DDHD1: variants seen among roughly 807,000 people sequenced by gnomAD.
The protein encoded by DDHD1 is DDHD domain containing 1.
A neutral mutation model predicts 96.4 loss-of-function variants in DDHD1; 49 were observed. The ratio of observed to expected loss-of-function variants is 0.51; its 90% CI spans 0.40 to 0.64. The LOEUF (loss-of-function observed/expected upper bound fraction) is 0.64. DDHD1 is among the 30% of genes least tolerant of loss of function. DDHD1 has a pLI of 0.00. For missense variants in DDHD1, 1,106 were observed against 1,161.2 expected, an observed-to-expected ratio of 0.95 and a Z score of 0.69; for synonymous variants, 442 against 446.5, an observed-to-expected ratio of 0.99 and a Z score of 0.13.
At chr14:53,048,894 A>T (rs1882282351) in intron 12 of DDHD1, 1 of 152,212 alleles carries the variant, frequency 6.6e-6, no homozygotes. Flanking sequence ...AAACAGTTGG[A>T]AAATGTGTTA....
At chr14:53,057,385 A>C (rs1362637598) in intron 9 of DDHD1, among the ~76,000 whole-genome samples, 1 of 152,154 alleles carries the variant, frequency 6.6e-6, no homozygotes, top group East Asian at 1.9e-4. Context: ...ACAGGATGCA[A>C]GGTTCTTGGA....
intron 1 of DDHD1, among the ~76,000 whole-genome samples, chr14:53,146,226 G>A (rs745557452): frequency 1.3e-4 from 20 of 151,308 alleles, no homozygotes; most frequent in Non-Finnish European, 2.4e-4. Flanking sequence ...CAAAAAGGCC[G>A]GGCGCGGTGG....
chr14:53,128,232 A>AT (rs1348026273), intron 1 of DDHD1, among the ~76,000 whole-genome samples: 1 of 152,236 alleles, frequency 6.6e-6, no homozygotes, highest in African/African-American at 2.4e-5. Context: ...ATATTTCTTC[A>AT]TAGCAGCATA....
chr14:53,130,678 G>A lies in DDHD1; in HGVS notation c.838+21583C>T, dbSNP rs183087245. On this transcript the variant is annotated intron_variant, in intron 1 of 12. Transcript: ENST00000673822. ...CCCCCAGGATCTTGCTTCAAGTGCCGAAAATGTGGCCACTGGGCCAAGGAA... is the reference window on the plus strand; with the variant it reads ...CCCCCAGGATCTTGCTTCAAGTGCCAAAAATGTGGCCACTGGGCCAAGGAA... Among the ~76,000 whole-genome samples, 178 of 152,292 alleles carry A rather than the reference G, an allele frequency of 1.2e-3. 1 individual carries two copies. The highest frequency in any genetic ancestry group is 6.8e-3 in the Middle Eastern group (2 of 294).
chr14:53,065,321 A>T (rs1232359069), intron 6 of DDHD1, among the ~76,000 whole-genome samples: 1 of 152,174 alleles, frequency 6.6e-6, no homozygotes, highest in East Asian at 1.9e-4. Flanking sequence ...TAATTGAGAG[A>T]GTTCTAGTCA....
intron 1 of DDHD1, among the ~76,000 whole-genome samples, chr14:53,125,849 C>T (rs946002704): frequency 6.6e-6 from 1 of 151,946 alleles, no homozygotes; most frequent in Non-Finnish European, 1.5e-5. Flanking sequence ...TTACAGGTAC[C>T]CACTACCATG....
Position 53,106,657 on chromosome 14 carries a change from A to T in DDHD1, c.839-2801T>A, listed in dbSNP as rs571148608. Among the ~76,000 whole-genome samples, 6 of 152,200 alleles carry T rather than the reference A, an allele frequency of 3.9e-5. No individual in the cohort carries two copies. In the East Asian group the frequency reaches 5.8e-4, roughly 15 times the overall value. ...GGGTGACAGAGTGAGACCAAAAAAA[A>T]ATATATTGTTCTTAAGGAATCTGAT... On this transcript the variant is annotated intron_variant, in intron 1 of 12. Coordinates refer to ENST00000673822, the MANE Select transcript of DDHD1 (RefSeq NM_001160148.2).
intron 1 of DDHD1, among the ~76,000 whole-genome samples, chr14:53,104,734 T>C (rs1024525457): frequency 3.3e-5 from 5 of 152,060 alleles, no homozygotes; most frequent in African/African-American, 4.8e-5. Flanking sequence ...AGCTAAACTA[T>C]CTTGAATTCT....
chr14:53,109,690 G>C (rs1419511668), intron 1 of DDHD1, among the ~76,000 whole-genome samples: 1 of 152,084 alleles, frequency 6.6e-6, no homozygotes, highest in East Asian at 1.9e-4. Flanking sequence ...TCCAGACCCA[G>C]AAGCTCATCT....
In DDHD1 at chr14:53,051,731, A is replaced by T. The variant is rs1279217368; in HGVS notation, c.2521+113T>A. ...ACACATAAAATAGTCTGTAATGGTA[A>T]CACTGAAGCTGGGATCTCATAGAAG... is the stretch of plus-strand genomic sequence containing the variant. On this transcript the variant is annotated intron_variant, in intron 12 of 12. Coordinates refer to ENST00000673822, the MANE Select transcript of DDHD1 (RefSeq NM_001160148.2). 3.8e-6 allele frequency: 3 copies of T among 791,824 alleles called. No individual in the cohort carries two copies. In the African/African-American group the frequency reaches 5.2e-5, roughly 14 times the overall value. 49.0% of individuals were successfully genotyped at this position (791,824 alleles called of 1,614,324 possible). A position where few individuals can be genotyped will look rare whatever the true frequency, so the allele number is the denominator to read the frequency against.
chr14:53,085,509 T>C (rs1284116888), intron 4 of DDHD1, among the ~76,000 whole-genome samples: 3 of 152,104 alleles, frequency 2.0e-5, no homozygotes, highest in Admixed American at 1.3e-4. Context: ...GCAAACAGGG[T>C]CTGGAGTGGA....
At chr14:53,074,524 G>T (rs903599853) in intron 4 of DDHD1, among the ~76,000 whole-genome samples, 2 of 151,898 alleles carry the variant, frequency 1.3e-5, no homozygotes, top group South Asian at 2.1e-4. Flanking sequence ...TCATGCCAAA[G>T]AAATTAATAA....
At chr14:53,127,674 A>C (rs1413256115) in intron 1 of DDHD1, among the ~76,000 whole-genome samples, 2 of 152,200 alleles carry the variant, frequency 1.3e-5, no homozygotes, top group Non-Finnish European at 2.9e-5. Flanking sequence ...CTGGAGAAGG[A>C]AGCCCAGAGA....
chr14:53,103,657 A>G (rs753657191), intron 2 of DDHD1, 26 bp downstream of exon 2: 1 of 1,573,560 alleles, frequency 6.4e-7, no homozygotes, highest in South Asian at 1.2e-5. Context: ...TTTGTAGAAT[A>G]TATTAAATGT....
intron 2 of DDHD1, among the ~76,000 whole-genome samples, chr14:53,100,054 G>T (rs1887183677): frequency 6.6e-6 from 1 of 151,806 alleles, no homozygotes; most frequent in African/African-American, 2.4e-5. Flanking sequence ...CCAAAAATAT[G>T]TGGGGAAAAA....
intron 1 of DDHD1, among the ~76,000 whole-genome samples, chr14:53,126,663 G>A (rs1033589114): frequency 3.9e-5 from 6 of 152,076 alleles, no homozygotes; most frequent in South Asian, 2.1e-4. Context: ...CCACCCACCC[G>A]GCTGATGTAA....
chr14:53,054,179 C>T (rs2139833576), intron 11 of DDHD1: 1 of 367,624 alleles, frequency 2.7e-6, no homozygotes. Flanking sequence ...TTGTTTTATG[C>T]TTGATGGTTA....
In DDHD1 at chr14:53,082,178, G is replaced by C. The variant is rs544007422; in HGVS notation, c.1290-8331C>G. 1.2e-4 allele frequency among the ~76,000 whole-genome samples: 19 copies of C among 152,158 alleles called. No homozygotes were observed. In the South Asian group the frequency reaches 3.7e-3, roughly 30 times the overall value. On this transcript the variant is annotated intron_variant, in intron 4 of 12. Transcript: ENST00000673822. ...AATCATGATTTCAGTCCTGTTATAA[G>C]CTTATTTCAATTTCCATGTTCTCTG...
intron 1 of DDHD1, among the ~76,000 whole-genome samples, chr14:53,107,277 G>A (rs1229697233): frequency 3.9e-5 from 6 of 152,082 alleles, no homozygotes; most frequent in Admixed American, 1.3e-4. Flanking sequence ...CCACTCTTGC[G>A]CTTTGGAGCC....
Sources: gnomAD v4.1 joint callset for allele counts (sites outside exome capture counted in the v4.1 genomes callset) on GRCh38, gnomAD v4.1.1 for gene constraint, MANE v1.5 for transcripts, NCBI Gene and HGNC (gene_info 2026-07-23, HGNC 2026-07-21) for gene names.